The following RBMS3 variants were observed in gnomAD, a reference collection of about 807,000 sequenced individuals.
RBMS3 encodes RNA-binding motif, single-stranded-interacting protein 3.
Under a neutral mutation model 66.8 loss-of-function variants are expected in RBMS3, and 27 were observed. The ratio of observed to expected loss-of-function variants is 0.40; its 90% CI spans 0.30 to 0.56. The LOEUF is 0.56. Among genes scored for constraint, RBMS3 ranks in the 20% least tolerant of loss-of-function variants. The pLI, the probability that RBMS3 is intolerant of heterozygous loss-of-function variation, is 0.40. For missense variants in RBMS3, 513 were observed against 549.5 expected (o/e 0.93, Z 0.66); for synonymous variants, 188 against 183.0 (o/e 1.03, Z -0.22).
intron 6 of RBMS3, among the ~76,000 whole-genome samples, chr3:29,806,953 G>A (rs531996820): frequency 2.6e-5 from 4 of 151,824 alleles, no homozygotes; most frequent in South Asian, 2.1e-4. Flanking sequence ...TATTATAAAC[G>A]TCTGAGTCCT....
rs544113180 is a variant in RBMS3 at position 29,468,605 on chromosome 3, G to A, written c.249-19836G>A. On this transcript the variant is annotated intron_variant, in intron 2 of 14. Coordinates refer to ENST00000383767, the MANE Select transcript of RBMS3 (RefSeq NM_001003793.3). Reference sequence around the variant, plus strand: ...AATTGTATCTTCTAATTTTGTCTCTGTATTAACACCGAAAACATGGTTTTA... The same window carrying A: ...AATTGTATCTTCTAATTTTGTCTCTATATTAACACCGAAAACATGGTTTTA... 2.0e-5 allele frequency among the ~76,000 whole-genome samples: 3 copies of A among 152,140 alleles called. No individual in the cohort carries two copies. In the South Asian group the frequency reaches 6.2e-4, roughly 32 times the overall value.
At chr3:29,489,496 C>T (rs551440416) in intron 3 of RBMS3, among the ~76,000 whole-genome samples, 1 of 151,330 alleles carries the variant, frequency 6.6e-6, no homozygotes, top group East Asian at 2.0e-4. Context: ...AAAAAGACAC[C>T]AAGAAAACCA....
chr3:29,522,440 C>T (rs1282093501), intron 3 of RBMS3, among the ~76,000 whole-genome samples: 3 of 152,032 alleles, frequency 2.0e-5, no homozygotes, highest in Admixed American at 1.3e-4. Flanking sequence ...GTGATCGGCC[C>T]GCCTTTGCCT....
intron 4 of RBMS3, among the ~76,000 whole-genome samples, chr3:29,668,579 A>ACC (rs2050863160): frequency 6.6e-6 from 1 of 152,226 alleles, no homozygotes; most frequent in Non-Finnish European, 1.5e-5. Context: ...CCATTATCAG[A>ACC]AGTAACCAGA....
rs551472140 is a variant in RBMS3, at chr3:29,453,300, T to C, written c.248+18385T>C. Among the ~76,000 whole-genome samples the C allele has an allele frequency of 1.3e-5, 2 of 152,330 alleles. 1 individual carries two copies. Among genetic ancestry groups the C allele is most frequent in the South Asian group, 4.1e-4 (2 of 4,834 alleles). On this transcript the variant is annotated intron_variant, in intron 2 of 14. Transcript: ENST00000383767. Reference sequence around the variant, plus strand: ...TGGGACTTAGGGCTTCCACAGGAAGTAGATACCACTGGATTGGATTTTAGA... The same window carrying C: ...TGGGACTTAGGGCTTCCACAGGAAGCAGATACCACTGGATTGGATTTTAGA...
At position 29,500,613 on chromosome 3, in the gene RBMS3, C is replaced by T. The variant is rs1559415054; in HGVS notation, c.307+12114C>T. On this transcript the variant is annotated intron_variant, in intron 3 of 14. Coordinates refer to ENST00000383767, the MANE Select transcript of RBMS3 (RefSeq NM_001003793.3). ...AATACTTATGATTGTGTTACCATTGCCTACAGTATTCAGTATTGCAATATG... is the reference window on the plus strand; with the variant it reads ...AATACTTATGATTGTGTTACCATTGTCTACAGTATTCAGTATTGCAATATG... Among the ~76,000 whole-genome samples, 3 of 152,026 alleles carry T rather than the reference C, an allele frequency of 2.0e-5. No homozygotes were observed. The South Asian group carries it at 6.2e-4, about 32-fold the overall frequency.
intron 1 of RBMS3, among the ~76,000 whole-genome samples, chr3:29,365,075 T>C (rs1234087073): frequency 6.6e-6 from 1 of 152,094 alleles, no homozygotes; most frequent in East Asian, 1.9e-4. Context: ...ATATTTTATA[T>C]TAGGATGTGA....
At chr3:29,474,127 A>T (rs1321919649) in intron 2 of RBMS3, among the ~76,000 whole-genome samples, 1 of 152,386 alleles carries the variant, frequency 6.6e-6, no homozygotes, top group East Asian at 1.9e-4. Flanking sequence ...ATCTCTGCCA[A>T]GGATAACCAC....
intron 4 of RBMS3, among the ~76,000 whole-genome samples, chr3:29,703,248 G>A (rs1345468098): frequency 6.6e-6 from 1 of 152,198 alleles, no homozygotes; most frequent in Non-Finnish European, 1.5e-5. Flanking sequence ...CTACGGAGCT[G>A]TACTGTCTTC....
intron 2 of RBMS3, among the ~76,000 whole-genome samples, chr3:29,472,606 C>T (rs565814319): frequency 1.2e-3 from 182 of 152,040 alleles, no homozygotes; most frequent in African/African-American, 4.2e-3. Context: ...TTGGTGGGTT[C>T]GTGGTCTCAC....
At chr3:29,402,829 T>C (rs1410198870) in intron 1 of RBMS3, among the ~76,000 whole-genome samples, 1 of 151,974 alleles carries the variant, frequency 6.6e-6, no homozygotes, top group Non-Finnish European at 1.5e-5. Context: ...GAAGCTGGAT[T>C]GATAAAGAAG....
chr3:29,949,502 A>G (rs1158373117), intron 12 of RBMS3, among the ~76,000 whole-genome samples: 6 of 151,810 alleles, frequency 4.0e-5, no homozygotes, highest in African/African-American at 1.4e-4. Flanking sequence ...TAATCAATTT[A>G]TTTTTATAGG....
At chr3:29,358,287 A>G (rs149831187) in intron 1 of RBMS3, among the ~76,000 whole-genome samples, 16,796 of 152,160 alleles carry the variant, frequency 0.11, 1,088 homozygotes, top group East Asian at 0.22. Context: ...TCCCAGCACC[A>G]TTTGTTAAAT....
chr3:29,937,779 T>C (rs1039632227), intron 11 of RBMS3, among the ~76,000 whole-genome samples: 1 of 151,986 alleles, frequency 6.6e-6, no homozygotes, highest in Admixed American at 6.6e-5. Context: ...AATATTTTAT[T>C]GCTTTTATCA....
intron 4 of RBMS3, among the ~76,000 whole-genome samples, chr3:29,669,522 T>C (rs1304444792): frequency 6.6e-6 from 1 of 152,148 alleles, no homozygotes; most frequent in Non-Finnish European, 1.5e-5. Context: ...CTCATTAAAA[T>C]AAAAAAATCA....
At chr3:29,449,491 T>G (rs1258845366) in intron 2 of RBMS3, among the ~76,000 whole-genome samples, 4 of 152,244 alleles carry the variant, frequency 2.6e-5, no homozygotes, top group African/African-American at 9.6e-5. Flanking sequence ...ACTGCCTATG[T>G]AAACAACCAA....
At chr3:29,446,049 T>C (rs1168760719) in intron 2 of RBMS3, among the ~76,000 whole-genome samples, 1 of 152,126 alleles carries the variant, frequency 6.6e-6, no homozygotes, top group Non-Finnish European at 1.5e-5. Context: ...TCCGCAGAGA[T>C]TTTTTAAAAT....
At chr3:29,542,828 A>G (rs932374783) in intron 3 of RBMS3, among the ~76,000 whole-genome samples, 1 of 152,220 alleles carries the variant, frequency 6.6e-6, no homozygotes, top group African/African-American at 2.4e-5. Context: ...TATGTCAAAG[A>G]CTAGCCTCTT....
chr3:29,398,922 T>A (rs779893079), intron 1 of RBMS3, among the ~76,000 whole-genome samples: 9 of 152,198 alleles, frequency 5.9e-5, no homozygotes, highest in Non-Finnish European at 1.3e-4. Flanking sequence ...GTTTTTGCTT[T>A]TTTAGAATTT....
Sources: gnomAD v4.1 joint callset for allele counts (sites outside exome capture counted in the v4.1 genomes callset) on GRCh38, gnomAD v4.1.1 for gene constraint, MANE v1.5 for transcripts, NCBI Gene and HGNC (gene_info 2026-07-23, HGNC 2026-07-21) for gene names.